The following CSRNP3 variants were observed in gnomAD, a reference collection of about 807,000 sequenced individuals.
CSRNP3 encodes cysteine and serine rich nuclear protein 3.
A neutral mutation model predicts 48.0 loss-of-function variants in CSRNP3; 12 were observed. That is an observed-to-expected ratio of 0.25 (90% CI 0.16 to 0.41). The LOEUF (loss-of-function observed/expected upper bound fraction) is 0.41. Ranked by LOEUF, CSRNP3 falls within the 10% of genes least tolerant of loss-of-function variation. The probability of loss-of-function intolerance (pLI) is 1.00; values close to 1 mark genes in which losing one functional copy is unlikely to be tolerated. For synonymous variants in CSRNP3, 263 were observed against 269.7 expected (o/e 0.98, Z 0.24); for missense variants, 580 against 724.4 (o/e 0.80, Z 2.29).
At chr2:165,581,442 C>T (rs1269654504) in intron 3 of CSRNP3, among the ~76,000 whole-genome samples, 2 of 152,096 alleles carry the variant, frequency 1.3e-5, no homozygotes, top group African/African-American at 4.8e-5. Context: ...TCAGTCTTTG[C>T]ATAGAGGTCA....
intron 3 of CSRNP3, among the ~76,000 whole-genome samples, chr2:165,559,023 T>G (rs1357812732): frequency 6.6e-6 from 1 of 152,064 alleles, no homozygotes; most frequent in Non-Finnish European, 1.5e-5. Context: ...TGGTACAGCA[T>G]AGACTAGAGG....
At chr2:165,509,233 G>A (rs1684468009) in intron 2 of CSRNP3, among the ~76,000 whole-genome samples, 1 of 152,142 alleles carries the variant, frequency 6.6e-6, no homozygotes. Context: ...TAGGAATGGG[G>A]ATAGCTATTT....
At chr2:165,503,893 C>T (rs1278039743) in intron 2 of CSRNP3, among the ~76,000 whole-genome samples, 1 of 151,884 alleles carries the variant, frequency 6.6e-6, no homozygotes, top group Non-Finnish European at 1.5e-5. Flanking sequence ...ATAGGATATA[C>T]TTTGTCCTAA....
At position 165,686,486 on chromosome 2, in the gene CSRNP3, T is replaced by C. The variant is rs1687633003; in HGVS notation, c.*6733T>C. ...AAATTTAAAGATCTATATACATTTT[T>C]GCAACTTTATTTAATAAAAAAGAGA... On this transcript the variant is annotated 3_prime_UTR_variant, in exon 7 of 7. Coordinates refer to ENST00000651982, the MANE Select transcript of CSRNP3 (RefSeq NM_001172173.2). 7 of 150,446 alleles carry C rather than the reference T, an allele frequency of 4.7e-5. 1 individual carries two copies. In the Admixed American group the frequency reaches 4.7e-4, roughly 10 times the overall value. The allele number at this position is 150,446 out of a possible 1,614,324, so 9.3% of individuals were successfully genotyped here.
At chr2:165,663,843 AT>A (rs905810352) in intron 5 of CSRNP3, among the ~76,000 whole-genome samples, 131 of 151,754 alleles carry the variant, frequency 8.6e-4, no homozygotes, top group African/African-American at 2.9e-3. Context: ...GACAAATTAG[AT>A]TTTTTTTTCC....
chr2:165,679,724 T>A lies in CSRNP3; in HGVS notation c.1729T>A (p.Ser577Thr). ...CATATTGCATGAAGAGTGCATCAAA[T>A]CACCCGTGGTTGAGACAGTCCCTGT... The part of the protein sequence containing the change: ...KSILHEECIK[S>T]PVVETVPV The change falls in exon 7 of 7, where the codon TCA becomes ACA. Residue 577 changes from serine to threonine, a missense_variant. Around this residue, in one of 4 missense-constraint regions of CSRNP3, gnomAD observed 369 missense variants for 380.8 expected, o/e 0.97. Transcript: ENST00000651982. 6.2e-7 allele frequency: 1 copy of A among 1,613,874 alleles called. No individual in the cohort carries two copies. The highest frequency in any genetic ancestry group is 8.5e-7 in the Non-Finnish European group (1 of 1,179,874).
chr2:165,641,554 T>G (rs1013666), intron 4 of CSRNP3, among the ~76,000 whole-genome samples: 55,298 of 152,052 alleles, frequency 0.36, 11,670 homozygotes, highest in African/African-American at 0.59. Flanking sequence ...AAAGAATTCT[T>G]CTTCTCACTT....
At chr2:165,548,302 A>T (rs1379139134) in intron 3 of CSRNP3, among the ~76,000 whole-genome samples, 5 of 152,060 alleles carry the variant, frequency 3.3e-5, no homozygotes, top group Non-Finnish European at 5.9e-5. Context: ...GCCACTTACT[A>T]ATAGTAGGAT....
chr2:165,583,393 C>T (rs999648015), intron 3 of CSRNP3, among the ~76,000 whole-genome samples: 3 of 152,160 alleles, frequency 2.0e-5, no homozygotes, highest in African/African-American at 7.2e-5. Flanking sequence ...CATCCCCCAA[C>T]ATGCATGTGC....
At chr2:165,585,525 T>C (rs1416524744) in intron 3 of CSRNP3, among the ~76,000 whole-genome samples, 1 of 152,192 alleles carries the variant, frequency 6.6e-6, no homozygotes, top group Non-Finnish European at 1.5e-5. Flanking sequence ...AGAAAAGCTT[T>C]TCCTATGCAA....
At chr2:165,666,058 G>GA (rs1558967257) in intron 5 of CSRNP3, among the ~76,000 whole-genome samples, 1 of 38,862 alleles carries the variant, frequency 2.6e-5, no homozygotes, top group Non-Finnish European at 6.7e-5. Context: ...GAAAGAGAGA[G>GA]GAAGAAAGAA....
intron 4 of CSRNP3, among the ~76,000 whole-genome samples, chr2:165,617,920 G>C (rs1214869780): frequency 6.6e-6 from 1 of 152,234 alleles, no homozygotes; most frequent in Non-Finnish European, 1.5e-5. Context: ...ACTCTGAGTG[G>C]ATGTGGAGAG....
chr2:165,575,332 A>G (rs1401743971), intron 3 of CSRNP3, among the ~76,000 whole-genome samples: 2 of 152,152 alleles, frequency 1.3e-5, no homozygotes, highest in African/African-American at 4.8e-5. Context: ...GTTTATTCCT[A>G]TCATTAAAGC....
intron 4 of CSRNP3, among the ~76,000 whole-genome samples, chr2:165,609,983 G>A (rs1198646453): frequency 6.6e-6 from 1 of 152,172 alleles, no homozygotes; most frequent in African/African-American, 2.4e-5. Flanking sequence ...AAAATATCAT[G>A]AGTCGAGAAT....
intron 5 of CSRNP3, among the ~76,000 whole-genome samples, chr2:165,669,207 G>A (rs1385502634): frequency 6.6e-6 from 1 of 152,166 alleles, no homozygotes; most frequent in Non-Finnish European, 1.5e-5. Flanking sequence ...TTTCACACGT[G>A]TGAATAATTC....
At chr2:165,657,177 C>T (rs1205457618) in intron 4 of CSRNP3, among the ~76,000 whole-genome samples, 3 of 152,116 alleles carry the variant, frequency 2.0e-5, no homozygotes, top group African/African-American at 7.2e-5. Flanking sequence ...GTAGCCATCT[C>T]GGTTATCAGA....
chr2:165,502,089 G>A (rs186380750), intron 2 of CSRNP3, among the ~76,000 whole-genome samples: 8 of 151,988 alleles, frequency 5.3e-5, no homozygotes, highest in Admixed American at 3.9e-4. Context: ...GATTTTTACG[G>A]TATTTTTTCT....
chr2:165,552,112 G>C (rs754013201), intron 3 of CSRNP3, among the ~76,000 whole-genome samples: 1 of 152,206 alleles, frequency 6.6e-6, no homozygotes, highest in African/African-American at 2.4e-5. Context: ...CAGAATCTTG[G>C]ATTACATTTC....
intron 3 of CSRNP3, among the ~76,000 whole-genome samples, chr2:165,529,013 G>A (rs115161874): frequency 6.6e-5 from 10 of 152,008 alleles, no homozygotes; most frequent in South Asian, 2.1e-4. Context: ...AGTTGCAGCT[G>A]CCCAAACCAC....
Sources: gnomAD v4.1 joint callset for allele counts (sites outside exome capture counted in the v4.1 genomes callset) on GRCh38, gnomAD v4.1.1 for gene constraint, gnomAD v4.1.1 regional missense constraint, MANE v1.5 for transcripts, NCBI Gene and HGNC (gene_info 2026-07-23, HGNC 2026-07-21) for gene names.